PRKG1: variants seen among roughly 807,000 people sequenced by gnomAD.
PRKG1 encodes protein kinase cGMP-dependent 1, also known as cGMP-dependent protein kinase 1.
PRKG1 carries 35 observed loss-of-function variants against 88.1 expected under a neutral mutation model. That is an observed-to-expected ratio of 0.40 (90% CI 0.30 to 0.53). The LOEUF (loss-of-function observed/expected upper bound fraction) is 0.53. Among genes scored for constraint, PRKG1 ranks in the 20% least tolerant of loss-of-function variants. The pLI, the probability that PRKG1 is intolerant of heterozygous loss-of-function variation, is 0.59. For missense variants in PRKG1, 540 were observed against 839.8 expected (o/e 0.64, Z 4.41); for synonymous variants, 303 against 292.5 (o/e 1.04, Z -0.37).
intron 8 of PRKG1, among the ~76,000 whole-genome samples, chr10:52,159,960 A>C (rs1292860747): frequency 6.6e-6 from 1 of 151,780 alleles, no homozygotes; most frequent in African/African-American, 2.4e-5. Context: ...ATTTTGTTGT[A>C]TTGTAAATAT....
chr10:51,963,296 G>C (rs993338929), intron 5 of PRKG1, among the ~76,000 whole-genome samples: 3 of 152,088 alleles, frequency 2.0e-5, no homozygotes, highest in Non-Finnish European at 4.4e-5. Context: ...TTCAAAAGTT[G>C]ATAGTTATTT....
chr10:51,731,213 C>T (rs1842265223), intron 3 of PRKG1, among the ~76,000 whole-genome samples: 1 of 152,100 alleles, frequency 6.6e-6, no homozygotes, highest in Admixed American at 6.6e-5. Flanking sequence ...ATATTGAGAA[C>T]TAATATCAAT....
chr10:51,452,418 G>C (rs900378332), intron 2 of PRKG1, among the ~76,000 whole-genome samples: 3 of 151,930 alleles, frequency 2.0e-5, no homozygotes, highest in Non-Finnish European at 4.4e-5. Context: ...TGTGGTGTTG[G>C]CTGTGCGTTT....
intron 2 of PRKG1, among the ~76,000 whole-genome samples, chr10:51,307,995 T>C (rs1187847576): frequency 6.6e-6 from 1 of 152,134 alleles, no homozygotes; most frequent in African/African-American, 2.4e-5. Context: ...TTTAGTTTAT[T>C]TCCCTCTTAA....
At chr10:51,346,675 C>A (rs1194237518) in intron 2 of PRKG1, among the ~76,000 whole-genome samples, 1 of 152,182 alleles carries the variant, frequency 6.6e-6, no homozygotes, top group Non-Finnish European at 1.5e-5. Context: ...AAAAAGCAAT[C>A]ACTTTTTCTG....
At chr10:51,133,932 A>G (rs1845631300) in intron 1 of PRKG1, among the ~76,000 whole-genome samples, 1 of 152,208 alleles carries the variant, frequency 6.6e-6, no homozygotes, top group Non-Finnish European at 1.5e-5. Flanking sequence ...TTCCTAATTA[A>G]TTTATTCCTG....
At chr10:52,243,540 ACT>A (rs1228334170) in intron 9 of PRKG1, among the ~76,000 whole-genome samples, 1 of 152,082 alleles carries the variant, frequency 6.6e-6, no homozygotes, top group Admixed American at 6.6e-5. Flanking sequence ...TAAAATGGTG[ACT>A]CTCTGCTGTC....
intron 7 of PRKG1, among the ~76,000 whole-genome samples, chr10:52,067,952 C>A: frequency 9.5e-6 from 1 of 104,966 alleles, no homozygotes; most frequent in East Asian, 2.5e-4. Flanking sequence ...CGCCTGTAAT[C>A]CCAGCACTTT....
chr10:51,120,092 G>T (rs1304926997), intron 1 of PRKG1, among the ~76,000 whole-genome samples: 2 of 152,028 alleles, frequency 1.3e-5, no homozygotes, highest in African/African-American at 4.8e-5. Flanking sequence ...TAACTTTTAA[G>T]AAAAAGTTTG....
At chr10:51,106,911 G>A (rs907684285) in intron 1 of PRKG1, among the ~76,000 whole-genome samples, 2 of 152,152 alleles carry the variant, frequency 1.3e-5, no homozygotes, top group African/African-American at 4.8e-5. Flanking sequence ...AAAAGTGTTA[G>A]TTTTTATTAA....
intron 3 of PRKG1, among the ~76,000 whole-genome samples, chr10:51,793,400 A>G (rs1465418518): frequency 2.6e-5 from 4 of 152,128 alleles, no homozygotes; most frequent in African/African-American, 9.6e-5. Flanking sequence ...TGTGAAATTT[A>G]TGGGATAGCA....
At chr10:51,678,600 T>C (rs1363134411) in intron 3 of PRKG1, among the ~76,000 whole-genome samples, 1 of 152,132 alleles carries the variant, frequency 6.6e-6, no homozygotes, top group African/African-American at 2.4e-5. Context: ...TGATAAAGGG[T>C]TATTAGATTG....
intron 2 of PRKG1, among the ~76,000 whole-genome samples, chr10:51,181,773 T>C (rs1837353947): frequency 6.6e-6 from 1 of 152,220 alleles, no homozygotes; most frequent in African/African-American, 2.4e-5. Context: ...GATCAGGTTG[T>C]CTTCCACTGC....
intron 9 of PRKG1, among the ~76,000 whole-genome samples, chr10:52,201,302 A>T (rs1839661566): frequency 6.6e-6 from 1 of 152,182 alleles, no homozygotes. Context: ...ACTATTTATT[A>T]AATATAGAGT....
rs537700505 is a variant in PRKG1 at position 52,283,840 on chromosome 10, T to C, written c.1709+1524T>C. Among the ~76,000 whole-genome samples, 15 of 152,200 alleles carry C rather than the reference T, an allele frequency of 9.9e-5. No homozygotes were observed. The South Asian group carries it at 3.1e-3, about 32-fold the overall frequency. On this transcript the variant is annotated intron_variant, in intron 14 of 17. Transcript: ENST00000373980. ...ATCTTTCTAGTGTGCTTAGAATTGC[T>C]ATAAGAACCAATTATATAATAAATA...
At chr10:51,325,572 C>T (rs182106751) in intron 2 of PRKG1, among the ~76,000 whole-genome samples, 1 of 152,174 alleles carries the variant, frequency 6.6e-6, no homozygotes, top group African/African-American at 2.4e-5. Flanking sequence ...TAGGTTTTCT[C>T]TTCGCTTTGT....
intron 7 of PRKG1, among the ~76,000 whole-genome samples, chr10:52,132,798 A>G (rs1224131822): frequency 1.3e-5 from 2 of 152,102 alleles, no homozygotes; most frequent in Non-Finnish European, 2.9e-5. Context: ...AAAAATTCTC[A>G]TGGGTACATA....
intron 5 of PRKG1, among the ~76,000 whole-genome samples, chr10:52,016,594 C>A (rs946627217): frequency 4.6e-5 from 7 of 152,122 alleles, no homozygotes; most frequent in Non-Finnish European, 8.8e-5. Context: ...GAAACAGCTG[C>A]TTTATAAAGA....
chr10:51,177,561 A>G (rs888325110), intron 2 of PRKG1, among the ~76,000 whole-genome samples: 1 of 152,154 alleles, frequency 6.6e-6, no homozygotes, highest in African/African-American at 2.4e-5. Flanking sequence ...ACTTGACATT[A>G]ATAACCACCA....
Sources: allele counts gnomAD v4.1 joint callset (sites outside exome capture counted in the v4.1 genomes callset), GRCh38; gene constraint gnomAD v4.1.1; transcripts MANE v1.5; gene names NCBI Gene and HGNC (gene_info 2026-07-23, HGNC 2026-07-21).